NEK6: variants seen among roughly 807,000 people sequenced by gnomAD.
NEK6 encodes the protein NIMA related kinase 6.
Under a neutral mutation model 43.5 loss-of-function variants are expected in NEK6, and 27 were observed. That is an observed-to-expected ratio of 0.62 (90% CI 0.46 to 0.86). NEK6 has a LOEUF of 0.86. Among genes scored for constraint, NEK6 ranks in the 40% least tolerant of loss-of-function variants. NEK6 has a pLI of 0.00. For synonymous variants in NEK6, 167 were observed against 164.1 expected (o/e 1.02, Z -0.14); for missense variants, 318 against 414.4 (o/e 0.77, Z 2.02).
chr9:124,308,082 C>T (rs1417914867), intron 2 of NEK6, among the ~76,000 whole-genome samples: 3 of 152,310 alleles, frequency 2.0e-5, no homozygotes, highest in South Asian at 4.1e-4. Flanking sequence ...TCCATTTAAC[C>T]CCCAGCAGCC....
At chr9:124,318,478 C>G (rs894920407) in intron 4 of NEK6, among the ~76,000 whole-genome samples, 5 of 152,232 alleles carry the variant, frequency 3.3e-5, no homozygotes, top group Middle Eastern at 3.4e-3. Flanking sequence ...CTCAAGCAGC[C>G]CTCCCACTTC....
chr9:124,349,766 T>C (rs567350260), intron 9 of NEK6, among the ~76,000 whole-genome samples: 17 of 152,288 alleles, frequency 1.1e-4, no homozygotes, highest in Admixed American at 4.6e-4. Context: ...CCCCGAATAT[T>C]GTAAGGTTCA....
At chr9:124,349,878 G>A (rs1445804907) in intron 9 of NEK6, among the ~76,000 whole-genome samples, 1 of 152,226 alleles carries the variant, frequency 6.6e-6, no homozygotes, top group East Asian at 1.9e-4. Flanking sequence ...AGGCATGCAC[G>A]CAGGTGCGAG....
intron 8 of NEK6, among the ~76,000 whole-genome samples, chr9:124,345,133 C>T (rs2131081072): frequency 6.6e-6 from 1 of 152,312 alleles, no homozygotes; most frequent in South Asian, 2.1e-4. Flanking sequence ...CTGATGACAC[C>T]AGAGAGAAGG....
intron 1 of NEK6, among the ~76,000 whole-genome samples, chr9:124,278,702 C>A (rs1195177886): frequency 6.6e-6 from 1 of 152,196 alleles, no homozygotes; most frequent in Admixed American, 6.5e-5. Flanking sequence ...CAGATACCGG[C>A]TGGATGACTT....
At chr9:124,348,411 C>T (rs1163002428) in intron 9 of NEK6, among the ~76,000 whole-genome samples, 1 of 152,162 alleles carries the variant, frequency 6.6e-6, no homozygotes, top group East Asian at 1.9e-4. Context: ...TCCTCGGCTC[C>T]GTCACCTTGA....
chr9:124,264,805 ACT>A (rs1831160719), intron 1 of NEK6, among the ~76,000 whole-genome samples: 2 of 125,376 alleles, frequency 1.6e-5, no homozygotes, highest in South Asian at 5.5e-4. Flanking sequence ...ACAGAGCGAG[ACT>A]CTGTATCAAA....
Position 124,298,125 on chromosome 9 carries a change from T to C in NEK6, c.-29-3811T>C, listed in dbSNP as rs1173065674. Among the ~76,000 whole-genome samples the C allele has an allele frequency of 2.6e-5, 4 of 152,318 alleles. No individual in the cohort carries two copies. The East Asian group carries it at 7.7e-4, about 29-fold the overall frequency. ...CTTCCTCTGAGCCTCGGTTTCCCCA[T>C]CTATAAAATGGGTCTACCAATAGCC... On this transcript the variant is annotated intron_variant, in intron 1 of 9. Transcript: ENST00000320246.
At chr9:124,350,748 T>TGAA in intron 9 of NEK6, 89 bp from the exon 10 acceptor site, 1 of 884,348 alleles carries the variant, frequency 1.1e-6, no homozygotes, top group Non-Finnish European at 1.8e-6. Flanking sequence ...GCTCTGAGGA[T>TGAA]GAAGTGCCTT....
intron 1 of NEK6, among the ~76,000 whole-genome samples, chr9:124,267,125 A>C (rs762921976): frequency 2.6e-5 from 4 of 152,270 alleles, no homozygotes; most frequent in Non-Finnish European, 5.9e-5. Context: ...AGGAAAGGCT[A>C]ACCAAGCCAC....
intron 7 of NEK6, 69 bp from the exon 8 acceptor site, chr9:124,339,502 A>G: frequency 8.9e-7 from 1 of 1,126,118 alleles, no homozygotes; most frequent in Non-Finnish European, 1.4e-6. Flanking sequence ...CCTCCCTCCA[A>G]CCTCACCTCT....
intron 1 of NEK6, among the ~76,000 whole-genome samples, chr9:124,301,398 T>G (rs1832968872): frequency 6.6e-6 from 1 of 152,176 alleles, no homozygotes; most frequent in African/African-American, 2.4e-5. Context: ...CAGGACCTCT[T>G]GGCCCTGGCC....
chr9:124,350,690 C>A, intron 9 of NEK6, 147 bp from the exon 10 acceptor site: 1 of 691,702 alleles, frequency 1.4e-6, no homozygotes, highest in Non-Finnish European at 2.6e-6. Flanking sequence ...CTTGCCCCAG[C>A]TAAACACCGT....
intron 1 of NEK6, among the ~76,000 whole-genome samples, chr9:124,280,849 G>T (rs1362211177): frequency 6.6e-6 from 1 of 152,198 alleles, no homozygotes; most frequent in Non-Finnish European, 1.5e-5. Flanking sequence ...CTGGAGGGTA[G>T]TGTCGTGATC....
At chr9:124,272,749 C>A (rs1184155816) in intron 1 of NEK6, among the ~76,000 whole-genome samples, 1 of 152,188 alleles carries the variant, frequency 6.6e-6, no homozygotes, top group Non-Finnish European at 1.5e-5. Flanking sequence ...ATCGACCTCT[C>A]TTGGTGACCT....
chr9:124,264,658 T>A (rs1468023656), intron 1 of NEK6, among the ~76,000 whole-genome samples: 1 of 151,788 alleles, frequency 6.6e-6, no homozygotes, highest in African/African-American at 2.4e-5. Flanking sequence ...TACGAAAAAT[T>A]AGCTGGGCGT....
chr9:124,279,735 T>C (rs1476893118), intron 1 of NEK6, among the ~76,000 whole-genome samples: 2 of 152,226 alleles, frequency 1.3e-5, no homozygotes, highest in African/African-American at 2.4e-5. Context: ...CAGTGACTCT[T>C]TGAAACCCGG....
intron 1 of NEK6, among the ~76,000 whole-genome samples, chr9:124,281,750 C>T (rs182894401): frequency 5.3e-5 from 8 of 152,260 alleles, no homozygotes; most frequent in Non-Finnish European, 1.0e-4. Context: ...CTGCCTACCT[C>T]GGCCTCCCAA....
At chr9:124,331,623 C>T (rs10986320) in intron 7 of NEK6, among the ~76,000 whole-genome samples, 1 of 152,006 alleles carries the variant, frequency 6.6e-6, no homozygotes, top group Non-Finnish European at 1.5e-5. Context: ...TGTTGGTGGA[C>T]GACCTGGAGC....
Sources: allele counts gnomAD v4.1 joint callset (sites outside exome capture counted in the v4.1 genomes callset), GRCh38; gene constraint gnomAD v4.1.1; transcripts MANE v1.5; gene names NCBI Gene and HGNC (gene_info 2026-07-23, HGNC 2026-07-21).